CNTN4: variants seen among roughly 807,000 people sequenced by gnomAD.
CNTN4 encodes the protein contactin 4, also known as contactin-4.
CNTN4 carries 77 observed loss-of-function variants against 122.5 expected under a neutral mutation model. The ratio of observed to expected loss-of-function variants is 0.63; its 90% CI spans 0.52 to 0.76. CNTN4 has a LOEUF of 0.76. CNTN4 is among the 30% of genes least tolerant of loss of function. The pLI, the probability that CNTN4 is intolerant of heterozygous loss-of-function variation, is 0.00. For synonymous variants in CNTN4, 512 were observed against 447.0 expected (o/e 1.15, Z -1.83); for missense variants, 1,256 against 1,259.1 (o/e 1.00, Z 0.04).
chr3:2,516,498 A>T (rs1357037473), intron 3 of CNTN4, among the ~76,000 whole-genome samples: 1 of 152,122 alleles, frequency 6.6e-6, no homozygotes, highest in African/African-American at 2.4e-5. Flanking sequence ...GAGATGTTCA[A>T]TTCAATATTA....
chr3:2,311,969 G>A (rs140045641), intron 2 of CNTN4, among the ~76,000 whole-genome samples: 17 of 152,064 alleles, frequency 1.1e-4, no homozygotes, highest in African/African-American at 3.6e-4. Context: ...TTGTAAGCAC[G>A]TAATAAATAT....
chr3:2,456,770 T>C (rs995427239), intron 3 of CNTN4, among the ~76,000 whole-genome samples: 4 of 152,140 alleles, frequency 2.6e-5, no homozygotes, highest in Admixed American at 1.3e-4. Context: ...CATTCGTCTA[T>C]CTATGGACGC....
intron 3 of CNTN4, among the ~76,000 whole-genome samples, chr3:2,340,609 G>T (rs540517289): frequency 3.3e-5 from 5 of 149,292 alleles, no homozygotes; most frequent in Non-Finnish European, 3.0e-5. Flanking sequence ...GGGCCTGGGA[G>T]GTCAAGGCTG....
At chr3:2,236,033 A>C (rs149444082) in intron 2 of CNTN4, among the ~76,000 whole-genome samples, 1 of 152,270 alleles carries the variant, frequency 6.6e-6, no homozygotes, top group Non-Finnish European at 1.5e-5. Flanking sequence ...CAGGAAATTG[A>C]GGTTGGTCAA....
chr3:3,037,862 A>G (rs1402607462), intron 18 of CNTN4, among the ~76,000 whole-genome samples: 1 of 152,258 alleles, frequency 6.6e-6, no homozygotes, highest in African/African-American at 2.4e-5. Flanking sequence ...ACCAGTCAGC[A>G]ATTCAGTATG....
At chr3:3,013,202 T>C (rs187892848) in intron 14 of CNTN4, among the ~76,000 whole-genome samples, 1 of 152,218 alleles carries the variant, frequency 6.6e-6, no homozygotes, top group African/African-American at 2.4e-5. Context: ...CCAAATACCA[T>C]CTCCTCCAAA....
chr3:2,612,321 A>AT (rs2081535132), intron 4 of CNTN4, among the ~76,000 whole-genome samples: 1 of 152,178 alleles, frequency 6.6e-6, no homozygotes, highest in African/African-American at 2.4e-5. Context: ...GGTCAAAATC[A>AT]TCTAACATAA....
chr3:2,317,998 G>A (rs1456940425), intron 2 of CNTN4, among the ~76,000 whole-genome samples: 1 of 152,110 alleles, frequency 6.6e-6, no homozygotes, highest in African/African-American at 2.4e-5. Context: ...TTAGATTTAA[G>A]TTATAATTAA....
intron 6 of CNTN4, among the ~76,000 whole-genome samples, chr3:2,806,061 C>G (rs991850361): frequency 1.3e-5 from 2 of 152,060 alleles, no homozygotes; most frequent in African/African-American, 4.8e-5. Context: ...ACCAGCAGGC[C>G]TGGCTAATTT....
chr3:2,523,725 T>C (rs1388084198), intron 3 of CNTN4, among the ~76,000 whole-genome samples: 1 of 152,064 alleles, frequency 6.6e-6, no homozygotes. Flanking sequence ...GCAAATATCA[T>C]GACAAGGAGA....
At chr3:3,037,560 AC>A (rs1458496012) in intron 18 of CNTN4, 1 of 557,628 alleles carries the variant, frequency 1.8e-6, no homozygotes, top group Admixed American at 2.6e-5. Flanking sequence ...CAAGAGACAC[AC>A]GGTGCTTAGT....
rs558046708 is a variant in CNTN4 at position 2,242,442 on chromosome 3, C to A, written c.-144-96736C>A. Among the ~76,000 whole-genome samples the A allele has an allele frequency of 1.2e-4, 18 of 152,192 alleles. No individual in the cohort carries two copies. In the South Asian group the frequency reaches 3.7e-3, roughly 32 times the overall value. On this transcript the variant is annotated intron_variant, in intron 2 of 24. Coordinates refer to ENST00000418658, the MANE Select transcript of CNTN4 (RefSeq NM_175607.3). ...AAATAAGCTTAAAGCACAATGTTTT[C>A]TTCCAACTTTCCATTTCAGGGGTAC...
intron 3 of CNTN4, among the ~76,000 whole-genome samples, chr3:2,425,104 G>A (rs1262874735): frequency 1.3e-5 from 2 of 152,120 alleles, no homozygotes; most frequent in African/African-American, 4.8e-5. Flanking sequence ...TTTGGCTTTT[G>A]TTGCCATTTC....
At position 2,731,099 on chromosome 3, in the gene CNTN4, A is replaced by G. The variant is rs372266672; in HGVS notation, c.56-5116A>G. 4.6e-5 allele frequency among the ~76,000 whole-genome samples: 7 copies of G among 152,190 alleles called. No homozygotes were observed. The East Asian group carries it at 9.7e-4, about 21-fold the overall frequency. On this transcript the variant is annotated intron_variant, in intron 4 of 24. Coordinates refer to ENST00000418658, the MANE Select transcript of CNTN4 (RefSeq NM_175607.3). ...CTGTAACCTAGGAAAATAATATTAA[A>G]TAATATTTTCTAATGGAAAATTCTA...
chr3:2,907,191 A>G (rs976054646), intron 12 of CNTN4, among the ~76,000 whole-genome samples: 1 of 152,208 alleles, frequency 6.6e-6, no homozygotes, highest in African/African-American at 2.4e-5. Context: ...TTTGGATCAA[A>G]TAACTAAATT....
At chr3:2,928,312 C>A (rs1464889574) in intron 13 of CNTN4, among the ~76,000 whole-genome samples, 1 of 152,022 alleles carries the variant, frequency 6.6e-6, no homozygotes, top group African/African-American at 2.4e-5. Context: ...AATGGGTGAA[C>A]AATAAGAAAG....
At chr3:2,913,657 T>A (rs1040820862) in intron 12 of CNTN4, among the ~76,000 whole-genome samples, 7 of 152,204 alleles carry the variant, frequency 4.6e-5, no homozygotes, top group African/African-American at 1.7e-4. Flanking sequence ...AACTTCCAAG[T>A]GTATGAAGCA....
At chr3:2,342,610 G>T (rs1392125241) in intron 3 of CNTN4, among the ~76,000 whole-genome samples, 1 of 152,156 alleles carries the variant, frequency 6.6e-6, no homozygotes, top group African/African-American at 2.4e-5. Context: ...TCGTGTAACA[G>T]TGAGTGAGTT....
chr3:2,698,304 C>G (rs1057453786), intron 4 of CNTN4, among the ~76,000 whole-genome samples: 1 of 152,120 alleles, frequency 6.6e-6, no homozygotes, highest in Admixed American at 6.6e-5. Flanking sequence ...ATTTAATTTT[C>G]TCTCCCTTTT....
Sources: gnomAD v4.1 joint callset for allele counts (sites outside exome capture counted in the v4.1 genomes callset) on GRCh38, gnomAD v4.1.1 for gene constraint, MANE v1.5 for transcripts, NCBI Gene and HGNC (gene_info 2026-07-23, HGNC 2026-07-21) for gene names.